MEGF10: variants seen among roughly 807,000 people sequenced by gnomAD.
The protein encoded by MEGF10 is multiple EGF like domains 10.
In MEGF10, 86 loss-of-function variants were observed where a neutral mutation model predicts 147.5. That is an observed-to-expected ratio of 0.58 (90% CI 0.49 to 0.70). The LOEUF is 0.70. Among genes scored for constraint, MEGF10 ranks in the 30% least tolerant of loss-of-function variants. MEGF10 has a pLI of 0.00. For synonymous variants in MEGF10, 478 were observed against 525.5 expected, an observed-to-expected ratio of 0.91 and a Z score of 1.24; for missense variants, 1,329 against 1,487.3, an observed-to-expected ratio of 0.89 and a Z score of 1.75.
intron 4 of MEGF10, among the ~76,000 whole-genome samples, chr5:127,343,220 A>G (rs1761750772): frequency 6.6e-6 from 1 of 152,222 alleles, no homozygotes; most frequent in South Asian, 2.1e-4. Flanking sequence ...CACAGGAATC[A>G]GTCATCATTT....
the MEGF10 span, among the ~76,000 whole-genome samples, chr5:127,237,718 G>T: frequency 2.0e-5 from 3 of 152,016 alleles, no homozygotes; most frequent in Non-Finnish European, 4.4e-5. Context: ...GGTAGAAAGG[G>T]CAGTAATTTT....
intron 1 of MEGF10, among the ~76,000 whole-genome samples, chr5:127,297,125 T>C (rs1759538106): frequency 6.6e-6 from 1 of 152,048 alleles, no homozygotes; most frequent in Non-Finnish European, 1.5e-5. Context: ...TGTCAACATA[T>C]CTGACTAATT....
the MEGF10 span, among the ~76,000 whole-genome samples, chr5:127,279,940 T>TTTTCTA: frequency 6.6e-6 from 1 of 151,624 alleles, no homozygotes; most frequent in Non-Finnish European, 1.5e-5. Flanking sequence ...TCTATTTGTC[T>TTTTCTA]TTTCTATTTC....
intron 1 of MEGF10, among the ~76,000 whole-genome samples, chr5:127,323,203 A>G (rs1760861768): frequency 6.6e-6 from 1 of 152,252 alleles, no homozygotes; most frequent in Non-Finnish European, 1.5e-5. Context: ...TTTGTAGATG[A>G]AAAAGTAACC....
In MEGF10 at chr5:127,407,952, A is replaced by G. The variant is rs79319891; in HGVS notation, c.918-2437A>G. Among the ~76,000 whole-genome samples the G allele has an allele frequency of 2.3e-3, 352 of 152,372 alleles. 3 individuals carry two copies. Among genetic ancestry groups the G allele is most frequent in the Middle Eastern group, 0.01 (3 of 294 alleles). On this transcript the variant is annotated intron_variant, in intron 8 of 24. Coordinates refer to ENST00000503335, the MANE Select transcript of MEGF10 (RefSeq NM_001256545.2). The stretch of plus-strand genomic sequence containing the variant: ...TACAAGTGCAACATTGACAAAACAT[A>G]AAATGGGAATATGAATCCAGCTTAA...
intron 1 of MEGF10, among the ~76,000 whole-genome samples, chr5:127,322,211 C>T (rs1186390917): frequency 6.6e-6 from 1 of 151,926 alleles, no homozygotes; most frequent in Non-Finnish European, 1.5e-5. Context: ...TGCCTGAAGT[C>T]TCATGAGGTG....
At chr5:127,261,275 G>A in the MEGF10 span, among the ~76,000 whole-genome samples, 1 of 152,080 alleles carries the variant, frequency 6.6e-6, no homozygotes. Context: ...CCCACTGTCT[G>A]GCTCTGGGCA....
chr5:127,367,769 G>A (rs374097456), intron 4 of MEGF10, among the ~76,000 whole-genome samples: 3 of 152,130 alleles, frequency 2.0e-5, no homozygotes, highest in African/African-American at 7.2e-5. Flanking sequence ...GGGTCTGAAG[G>A]CTATTCACTG....
chr5:127,306,049 A>G (rs536681052), intron 1 of MEGF10, among the ~76,000 whole-genome samples: 106 of 152,332 alleles, frequency 7.0e-4, no homozygotes, highest in African/African-American at 2.4e-3. Flanking sequence ...TAACTGAGAC[A>G]TTAACTCTTC....
At chr5:127,258,612 A>C in the MEGF10 span, among the ~76,000 whole-genome samples, 2 of 152,158 alleles carry the variant, frequency 1.3e-5, no homozygotes, top group African/African-American at 4.8e-5. Context: ...TTATGTCAAA[A>C]TTTAATTGCC....
At chr5:127,330,517 C>A (rs1473440213) in intron 1 of MEGF10, among the ~76,000 whole-genome samples, 1 of 152,170 alleles carries the variant, frequency 6.6e-6, no homozygotes, top group East Asian at 1.9e-4. Context: ...GCCAGCCTAT[C>A]TATTTTCCAA....
At chr5:127,349,712 A>G (rs1762023624) in intron 4 of MEGF10, among the ~76,000 whole-genome samples, 1 of 151,434 alleles carries the variant, frequency 6.6e-6, no homozygotes, top group Admixed American at 6.6e-5. Flanking sequence ...TAGGCTACAC[A>G]ATATTTTTTC....
chr5:127,380,356 G>A (rs1323850803), intron 5 of MEGF10, among the ~76,000 whole-genome samples: 1 of 152,072 alleles, frequency 6.6e-6, no homozygotes, highest in Non-Finnish European at 1.5e-5. Context: ...AAACAGATTG[G>A]CAAAGCATCC....
At chr5:127,393,505 T>C (rs1215025190) in intron 5 of MEGF10, among the ~76,000 whole-genome samples, 1 of 152,178 alleles carries the variant, frequency 6.6e-6, no homozygotes, top group Non-Finnish European at 1.5e-5. Context: ...TCAACCCAGG[T>C]TTCTGTGTCC....
At chr5:127,336,620 G>T (rs1235367022) in intron 2 of MEGF10, among the ~76,000 whole-genome samples, 1 of 152,054 alleles carries the variant, frequency 6.6e-6, no homozygotes, top group African/African-American at 2.4e-5. Context: ...AACTGGCCAG[G>T]ATGCATTTAC....
intron 20 of MEGF10, 32 bp downstream of exon 20, chr5:127,445,725 T>C: frequency 1.3e-6 from 2 of 1,528,548 alleles, no homozygotes; most frequent in Non-Finnish European, 1.8e-6. Context: ...GCATTTTGCT[T>C]CTTGAAAAGT....
At chr5:127,388,831 C>T (rs1232401025) in intron 5 of MEGF10, among the ~76,000 whole-genome samples, 1 of 152,186 alleles carries the variant, frequency 6.6e-6, no homozygotes, top group Non-Finnish European at 1.5e-5. Context: ...AGGCATGAGC[C>T]ACTGCCCCTG....
At chr5:127,381,875 G>A (rs1338727781) in intron 5 of MEGF10, among the ~76,000 whole-genome samples, 2 of 151,954 alleles carry the variant, frequency 1.3e-5, no homozygotes, top group African/African-American at 4.8e-5. Flanking sequence ...TTCACCATGT[G>A]GGCCAGGCTG....
In MEGF10 at chr5:127,460,836, G is replaced by A. The variant is rs529079347; in HGVS notation, c.*3518G>A. The A allele has an allele frequency of 1.1e-5, 1 of 87,278 alleles. No homozygotes were observed. The highest frequency in any genetic ancestry group is 1.1e-4 in the Admixed American group (1 of 9,488). The allele number at this position is 87,278 out of a possible 1,614,324, so 5.4% of individuals were successfully genotyped here. On this transcript the variant is annotated 3_prime_UTR_variant, in exon 25 of 25. Coordinates refer to ENST00000503335, the MANE Select transcript of MEGF10 (RefSeq NM_001256545.2). Reference sequence around the variant, plus strand: ...TTTAAGAGAGATTTTGGTCTTAAAGGCTTCACATCATGAAAGTGTACATGC... The same window carrying A: ...TTTAAGAGAGATTTTGGTCTTAAAGACTTCACATCATGAAAGTGTACATGC...
Sources: allele counts gnomAD v4.1 joint callset (sites outside exome capture counted in the v4.1 genomes callset), GRCh38; gene constraint gnomAD v4.1.1; transcripts MANE v1.5; gene names NCBI Gene and HGNC (gene_info 2026-07-23, HGNC 2026-07-21).